SRPRB: variants seen among roughly 807,000 people sequenced by gnomAD.
The protein encoded by SRPRB is signal recognition particle receptor subunit beta.
Under a neutral mutation model 31.9 loss-of-function variants are expected in SRPRB, and 20 were observed. That is an observed-to-expected ratio of 0.63 (90% confidence interval 0.44 to 0.91). SRPRB has a LOEUF of 0.91. SRPRB is among the 40% of genes least tolerant of loss of function. The pLI, the probability that SRPRB is intolerant of heterozygous loss-of-function variation, is 0.00. For missense variants in SRPRB, 321 were observed against 324.9 expected, an observed-to-expected ratio of 0.99 and a Z score of 0.09; for synonymous variants, 146 against 132.8, an observed-to-expected ratio of 1.10 and a Z score of -0.68.
intron 4 of SRPRB, among the ~76,000 whole-genome samples, chr3:133,814,697 C>T (rs192158187): frequency 1.8e-3 from 275 of 152,270 alleles, no homozygotes; most frequent in African/African-American, 5.5e-3. Flanking sequence ...TCTCGGCCCC[C>T]CAAAGTGCTG....
downstream of SRPRB, chr3:133,826,095 C>T (rs1486085128): frequency 6.6e-6 from 1 of 152,238 alleles, no homozygotes; most frequent in African/African-American, 2.4e-5. Context: ...GGCTGCCTTT[C>T]CACACCCCAG....
At chr3:133,815,939 G>A (rs1935357807) in intron 5 of SRPRB, among the ~76,000 whole-genome samples, 1 of 152,072 alleles carries the variant, frequency 6.6e-6, no homozygotes, top group Non-Finnish European at 1.5e-5. Context: ...ATAACCAAGT[G>A]ACTGCTAACT....
downstream of SRPRB, chr3:133,824,986 A>AGTT (rs536007146): frequency 3.0e-4 from 46 of 152,238 alleles, 1 homozygote; most frequent in African/African-American, 1.1e-3. Flanking sequence ...AGACAGGAAA[A>AGTT]GTTGTGACAG....
At chr3:133,813,538 A>G (rs1448465547) in intron 4 of SRPRB, among the ~76,000 whole-genome samples, 1 of 152,218 alleles carries the variant, frequency 6.6e-6, no homozygotes, top group African/African-American at 2.4e-5. Flanking sequence ...ATATTTGTCT[A>G]AAATACTTAC....
downstream of SRPRB, chr3:133,827,938 C>T (rs1453737641): frequency 4.3e-6 from 3 of 702,858 alleles, no homozygotes; most frequent in South Asian, 3.0e-5. Flanking sequence ...ACACATGGCA[C>T]CCCAGTCTAT....
At chr3:133,826,774 T>C (rs1243119415), downstream of SRPRB, 1 of 152,700 alleles carries the variant, frequency 6.5e-6, no homozygotes, top group Non-Finnish European at 1.5e-5. Context: ...TTTGACAATA[T>C]TAAGTATTTC....
intron 1 of SRPRB, chr3:133,786,607 T>G (rs1934693874): frequency 6.6e-6 from 1 of 152,270 alleles, no homozygotes; most frequent in African/African-American, 2.4e-5. Flanking sequence ...AGGTTGCTAG[T>G]GTATGACAAA....
At chr3:133,822,803 C>T, downstream of SRPRB, among the ~76,000 whole-genome samples, 1 of 152,202 alleles carries the variant, frequency 6.6e-6, no homozygotes, top group Admixed American at 6.5e-5. Context: ...ATCTCTTTAT[C>T]TCATCCCTTC....
intron 3 of SRPRB, among the ~76,000 whole-genome samples, chr3:133,808,451 C>CA (rs1246406933): frequency 1.3e-5 from 2 of 152,122 alleles, no homozygotes; most frequent in African/African-American, 4.8e-5. Flanking sequence ...CATAGTACTC[C>CA]ACTCTGTTGC....
downstream of SRPRB, chr3:133,828,517 T>C (rs986772657): frequency 1.0e-5 from 5 of 480,234 alleles, no homozygotes; most frequent in Non-Finnish European, 1.8e-5. Flanking sequence ...ATTTAAATTT[T>C]TTTTAAATTT....
intron 6 of SRPRB, 119 bp from the exon 7 acceptor site, chr3:133,819,434 A>C (rs1235661635): frequency 1.1e-6 from 1 of 870,590 alleles, no homozygotes; most frequent in Non-Finnish European, 1.8e-6. Flanking sequence ...CAATCTTAAT[A>C]GCATAATTGG....
downstream of SRPRB, among the ~76,000 whole-genome samples, chr3:133,823,248 T>C (rs1258580745): frequency 6.6e-6 from 1 of 152,196 alleles, no homozygotes; most frequent in Non-Finnish European, 1.5e-5. Context: ...GACTTGAATA[T>C]ATTGTTTCAA....
rs186259905 is a variant in SRPRB, at chr3:133,811,160, T to A, written c.371T>A (p.Leu124Ter). 3 of 1,614,202 alleles carry A rather than the reference T, an allele frequency of 1.9e-6. No individual in the cohort carries two copies. Among genetic ancestry groups the A allele is most frequent in the Admixed American group, 3.3e-5 (2 of 60,028 alleles). ...TLIDLPGHESLRLQFLERFKS... is the reference protein window; with the variant it reads ...TLIDLPGHES ...ATTGACCTTCCCGGCCATGAGAGTTTGAGGCTTCAGTTCTTAGAGCGGTTT... is the reference window on the plus strand; with the variant it reads ...ATTGACCTTCCCGGCCATGAGAGTTAGAGGCTTCAGTTCTTAGAGCGGTTT... The change falls in exon 4 of 7, where the codon TTG becomes TAG. Residue 124 changes from leucine to a stop codon, truncating the protein, a stop_gained. Transcript: ENST00000678299. LOFTEE classifies it high-confidence loss of function.
At chr3:133,793,635 T>C (rs138605336) in intron 1 of SRPRB, 1,792 of 152,314 alleles carry the variant, frequency 0.012, 36 homozygotes, top group African/African-American at 0.04. Context: ...TATGTTATTG[T>C]AGACCACAGA....
Position 133,820,644 on chromosome 3 carries a change from C to T in SRPRB, c.*878C>T, listed in dbSNP as rs1935455282. ...TCTGTAGATTTCTGAAGTGCATATTCATTGATGCCAAGAAAAAAAAAAAGT... is the reference window on the plus strand; with the variant it reads ...TCTGTAGATTTCTGAAGTGCATATTTATTGATGCCAAGAAAAAAAAAAAGT... On this transcript the variant is annotated 3_prime_UTR_variant, in exon 7 of 7. Transcript: ENST00000678299. The T allele has an allele frequency of 6.7e-6, 1 of 149,524 alleles. No individual in the cohort carries two copies. The highest frequency in any genetic ancestry group is 6.9e-5 in the Admixed American group (1 of 14,436). The allele number at this position is 149,524 out of a possible 1,614,324, so 9.3% of individuals were successfully genotyped here.
upstream of SRPRB, among the ~76,000 whole-genome samples, chr3:133,804,037 A>C (rs1935103788): frequency 7.4e-6 from 1 of 135,318 alleles, no homozygotes; most frequent in African/African-American, 2.8e-5. Flanking sequence ...CGGAGCTTGC[A>C]GTGAGCCGAG....
At chr3:133,800,970 C>T (rs1333131899), upstream of SRPRB, among the ~76,000 whole-genome samples, 5 of 152,220 alleles carry the variant, frequency 3.3e-5, no homozygotes, top group Admixed American at 1.3e-4. Context: ...AAATATTTAT[C>T]AGATACTATA....
chr3:133,799,154 G>A (rs1318343241), intron 1 of SRPRB, among the ~76,000 whole-genome samples: 1 of 152,180 alleles, frequency 6.6e-6, no homozygotes, highest in African/African-American at 2.4e-5. Context: ...TTTCTCTAGA[G>A]GGATGTTTCG....
At chr3:133,797,412 A>G (rs1267871148) in intron 1 of SRPRB, among the ~76,000 whole-genome samples, 1 of 152,216 alleles carries the variant, frequency 6.6e-6, no homozygotes, top group African/African-American at 2.4e-5. Flanking sequence ...CTTGCTTTGT[A>G]TGTGCACCAT....
Sources: gnomAD v4.1 joint callset for allele counts (sites outside exome capture counted in the v4.1 genomes callset) on GRCh38, gnomAD v4.1.1 for gene constraint, MANE v1.5 for transcripts, NCBI Gene and HGNC (gene_info 2026-07-23, HGNC 2026-07-21) for gene names.